CAMTA1: variants seen among roughly 807,000 people sequenced by gnomAD.
The protein encoded by CAMTA1 is calmodulin binding transcription activator 1, also known as calmodulin-binding transcription activator 1.
In CAMTA1, 27 loss-of-function variants were observed where a neutral mutation model predicts 170.9. The observed-to-expected ratio is 0.16, with a 90% confidence interval of 0.12 to 0.22. The LOEUF is 0.22. CAMTA1 is among the 10% of genes least tolerant of loss of function. The pLI is 1.00. For missense variants in CAMTA1, 1,619 were observed against 2,217.2 expected, an observed-to-expected ratio of 0.73 and a Z score of 5.42; for synonymous variants, 833 against 891.5, an observed-to-expected ratio of 0.93 and a Z score of 1.17.
Position 7,615,447 on chromosome 1 carries a change from C to T in CAMTA1, c.511-24953C>T, listed in dbSNP as rs554918442. ...GCTGCAGCTGTGACACTGATTAGCT[C>T]GAATCTTCTGAACATCAGTTTTCTT... On this transcript the variant is annotated intron_variant, in intron 6 of 22. Coordinates refer to ENST00000303635, the MANE Select transcript of CAMTA1 (RefSeq NM_015215.4). 7.9e-5 allele frequency among the ~76,000 whole-genome samples: 12 copies of T among 152,258 alleles called. No individual in the cohort carries two copies. The South Asian group carries it at 2.3e-3, about 29-fold the overall frequency.
At chr1:6,893,260 C>A (rs768632994) in intron 3 of CAMTA1, among the ~76,000 whole-genome samples, 1 of 151,752 alleles carries the variant, frequency 6.6e-6, no homozygotes, top group Non-Finnish European at 1.5e-5. Flanking sequence ...GACTCCATCT[C>A]GAGGAAAAAA....
chr1:7,712,518 A>G (rs2096578449), intron 11 of CAMTA1, among the ~76,000 whole-genome samples: 1 of 152,008 alleles, frequency 6.6e-6, no homozygotes, highest in Admixed American at 6.6e-5. Flanking sequence ...ACAGGGTTTC[A>G]TATGTTGCCC....
At chr1:7,048,125 G>A (rs556179501) in intron 3 of CAMTA1, among the ~76,000 whole-genome samples, 2 of 152,236 alleles carry the variant, frequency 1.3e-5, no homozygotes, top group South Asian at 4.1e-4. Flanking sequence ...GGATTTCAGC[G>A]GGGAGGGTGG....
At chr1:7,394,428 C>T (rs1168549375) in intron 5 of CAMTA1, among the ~76,000 whole-genome samples, 5 of 152,078 alleles carry the variant, frequency 3.3e-5, no homozygotes, top group Non-Finnish European at 5.9e-5. Context: ...ACTTGCATTT[C>T]CCTGATGATT....
chr1:7,430,991 T>G (rs1042924881), intron 5 of CAMTA1, among the ~76,000 whole-genome samples: 5 of 152,264 alleles, frequency 3.3e-5, no homozygotes, highest in African/African-American at 4.8e-5. Context: ...TGTGGAGATA[T>G]TTCAGCCTGA....
At chr1:7,434,084 C>T (rs1412990709) in intron 5 of CAMTA1, among the ~76,000 whole-genome samples, 1 of 152,280 alleles carries the variant, frequency 6.6e-6, no homozygotes, top group Non-Finnish European at 1.5e-5. Context: ...CCCCCACATC[C>T]CTTCCTCCTC....
intron 6 of CAMTA1, among the ~76,000 whole-genome samples, chr1:7,474,240 A>C (rs1414679053): frequency 7.3e-6 from 1 of 136,854 alleles, no homozygotes; most frequent in East Asian, 2.2e-4. Context: ...TAGCTGTGTG[A>C]CTCTGGGCAG....
intron 6 of CAMTA1, among the ~76,000 whole-genome samples, chr1:7,637,527 C>T (rs898962939): frequency 3.3e-5 from 5 of 152,328 alleles, no homozygotes; most frequent in Admixed American, 2.6e-4. Flanking sequence ...CCCGTCTCTC[C>T]GCCGTTACCC....
intron 3 of CAMTA1, among the ~76,000 whole-genome samples, chr1:7,016,004 T>G (rs1250610265): frequency 6.6e-6 from 1 of 152,198 alleles, no homozygotes. Context: ...CCCCTATGAT[T>G]CAGTCACCTC....
intron 6 of CAMTA1, among the ~76,000 whole-genome samples, chr1:7,477,962 T>G (rs537416761): frequency 6.6e-6 from 1 of 152,232 alleles, no homozygotes; most frequent in Admixed American, 6.5e-5. Flanking sequence ...ATCACCACCC[T>G]TATGAGCCAA....
chr1:7,119,901 AGTTT>A (rs1365200519), intron 4 of CAMTA1, among the ~76,000 whole-genome samples: 2 of 152,192 alleles, frequency 1.3e-5, no homozygotes, highest in African/African-American at 4.8e-5. Flanking sequence ...CAGAGAAGTT[AGTTT>A]GTCACCATGG....
At chr1:6,893,074 G>A (rs1193406340) in intron 3 of CAMTA1, among the ~76,000 whole-genome samples, 1 of 152,034 alleles carries the variant, frequency 6.6e-6, no homozygotes, top group Non-Finnish European at 1.5e-5. Flanking sequence ...GAGGTCAGGA[G>A]TTCGAGACCA....
Position 7,609,505 on chromosome 1 carries a change from G to GCC in CAMTA1, c.511-30891_511-30890dup, listed in dbSNP as rs953576686. 6.6e-6 allele frequency among the ~76,000 whole-genome samples: 1 copy of GCC among 152,152 alleles called. No homozygotes were observed. The highest frequency in any genetic ancestry group is 6.5e-5 in the Admixed American group (1 of 15,282). ...GGCAAGCCCTGGCCCCAGCCTCCAG[G>GCC]CCCCCAGGGATGCTCAGGGCCTGCC... On this transcript the variant is annotated intron_variant, in intron 6 of 22. Transcript: ENST00000303635. This position sits in a 1 kb window ranked among gnomAD's most constrained non-coding sequence, Gnocchi z 4.4.
At chr1:6,827,070 A>G (rs998012636) in intron 3 of CAMTA1, among the ~76,000 whole-genome samples, 3 of 152,218 alleles carry the variant, frequency 2.0e-5, no homozygotes, top group Admixed American at 6.5e-5. Context: ...TTCTTTCTGG[A>G]CCTCAGTCCA....
intron 5 of CAMTA1, among the ~76,000 whole-genome samples, chr1:7,372,580 A>C (rs2086556785): frequency 6.6e-6 from 1 of 152,178 alleles, no homozygotes; most frequent in African/African-American, 2.4e-5. Context: ...TTGCCCGTGA[A>C]CACGTCTCTG....
At chr1:7,713,349 A>G (rs549102462) in intron 11 of CAMTA1, among the ~76,000 whole-genome samples, 7 of 152,296 alleles carry the variant, frequency 4.6e-5, no homozygotes, top group East Asian at 1.9e-4. Flanking sequence ...GAGACTGTCT[A>G]TATCAAAAAG....
chr1:6,957,810 G>A (rs1689712692), intron 3 of CAMTA1, among the ~76,000 whole-genome samples: 1 of 152,094 alleles, frequency 6.6e-6, no homozygotes, highest in South Asian at 2.1e-4. Context: ...ACATCTTTAG[G>A]GGGCCATTAT....
At chr1:7,606,313 G>A (rs1032161688) in intron 6 of CAMTA1, among the ~76,000 whole-genome samples, 5 of 152,160 alleles carry the variant, frequency 3.3e-5, no homozygotes, top group African/African-American at 7.2e-5. Context: ...AGCAGCTGCC[G>A]GCCATGATGC....
At chr1:7,431,626 C>T (rs548486229) in intron 5 of CAMTA1, among the ~76,000 whole-genome samples, 20 of 152,314 alleles carry the variant, frequency 1.3e-4, no homozygotes, top group African/African-American at 4.8e-4. Flanking sequence ...GGCAGTTAAG[C>T]CTGCTGGTGG....
Sources: gnomAD v4.1 joint callset for allele counts (sites outside exome capture counted in the v4.1 genomes callset) on GRCh38, gnomAD v4.1.1 for gene constraint, Gnocchi (gnomAD v3.1) non-coding constraint, MANE v1.5 for transcripts, NCBI Gene and HGNC (gene_info 2026-07-23, HGNC 2026-07-21) for gene names.